The following EYS variants were observed in gnomAD, a reference collection of about 807,000 sequenced individuals.
EYS encodes protein eyes shut homolog.
A neutral mutation model predicts 282.1 loss-of-function variants in EYS; 250 were observed. The ratio of observed to expected loss-of-function variants is 0.89; its 90% CI spans 0.80 to 0.98. EYS has a LOEUF of 0.98. Among genes scored for constraint, EYS ranks in the 50% least tolerant of loss-of-function variants. The pLI is 0.00. For synonymous variants in EYS, 1,355 were observed against 1,282.9 expected (o/e 1.06, Z -1.20); for missense variants, 4,016 against 3,709.0 (o/e 1.08, Z -2.15).
chr6:65,073,667 T>A (rs1773965100), intron 12 of EYS, among the ~76,000 whole-genome samples: 1 of 151,822 alleles, frequency 6.6e-6, no homozygotes, highest in Non-Finnish European at 1.5e-5. Flanking sequence ...TTTTTATATA[T>A]GAAAAATGAG....
chr6:65,104,010 C>T (rs17637910), intron 12 of EYS, among the ~76,000 whole-genome samples: 34,156 of 151,206 alleles, frequency 0.23, 4,790 homozygotes, highest in South Asian at 0.33. Flanking sequence ...TCTTGTTGTT[C>T]ATGACTCTAA....
intron 1 of EYS, among the ~76,000 whole-genome samples, chr6:65,653,559 CACA>C (rs1266547074): frequency 6.6e-6 from 1 of 151,840 alleles, no homozygotes; most frequent in East Asian, 1.9e-4. Context: ...TTGCCGTATT[CACA>C]ACATTTAAAT....
At chr6:64,420,566 G>C (rs933275123) in intron 28 of EYS, among the ~76,000 whole-genome samples, 13 of 152,170 alleles carry the variant, frequency 8.5e-5, no homozygotes, top group African/African-American at 3.1e-4. Flanking sequence ...ACCCTCTGAA[G>C]CCACAGCTAG....
intron 14 of EYS, among the ~76,000 whole-genome samples, chr6:64,988,820 A>C (rs1562289331): frequency 2.6e-5 from 4 of 151,682 alleles, no homozygotes; most frequent in Admixed American, 6.6e-5. Flanking sequence ...ATATTATTTG[A>C]TATGAAAATA....
intron 36 of EYS, among the ~76,000 whole-genome samples, chr6:63,828,547 A>T (rs543129233): frequency 4.6e-4 from 70 of 152,356 alleles, no homozygotes; most frequent in Non-Finnish European, 8.4e-4. Flanking sequence ...ACAAGCAGCG[A>T]GAATGGAGAA....
At chr6:63,857,677 G>T in intron 36 of EYS, 1 of 445,686 alleles carries the variant, frequency 2.2e-6, no homozygotes, top group Non-Finnish European at 4.6e-6. Context: ...AGCACTACTT[G>T]TTTGCCAATA....
intron 12 of EYS, among the ~76,000 whole-genome samples, chr6:65,123,120 C>G (rs1351341082): frequency 6.6e-6 from 1 of 152,004 alleles, no homozygotes; most frequent in Non-Finnish European, 1.5e-5. Flanking sequence ...AAAGAGACTT[C>G]TTGACTAATT....
rs537260753 is a variant in EYS at position 63,831,377 on chromosome 6, C to T, written c.7229-25005G>A. Among the ~76,000 whole-genome samples the T allele has an allele frequency of 2.0e-5, 3 of 152,030 alleles. No individual in the cohort carries two copies. The South Asian group carries it at 6.2e-4, about 32-fold the overall frequency. ...AAATAAAGGGATGAAGGAAGATCTA[C>T]CAAGCAAATGGAAAACAAAAAAAAG... is the stretch of plus-strand genomic sequence containing the variant. On this transcript the variant is annotated intron_variant, in intron 36 of 42. Coordinates refer to ENST00000503581, the MANE Select transcript of EYS (RefSeq NM_001142800.2).
At chr6:64,547,538 GC>G (rs1764918745) in intron 26 of EYS, among the ~76,000 whole-genome samples, 1 of 152,192 alleles carries the variant, frequency 6.6e-6, no homozygotes, top group South Asian at 2.1e-4. Context: ...GACACAGGTT[GC>G]TGATTGGTGT....
chr6:64,416,643 C>T (rs1204159451), intron 28 of EYS, among the ~76,000 whole-genome samples: 1 of 151,884 alleles, frequency 6.6e-6, no homozygotes, highest in Non-Finnish European at 1.5e-5. Context: ...TATCACTCAC[C>T]ATAGCTAAGT....
chr6:64,826,253 A>T (rs1765052654), intron 19 of EYS, among the ~76,000 whole-genome samples: 1 of 151,874 alleles, frequency 6.6e-6, no homozygotes, highest in Non-Finnish European at 1.5e-5. Flanking sequence ...TATGGACTTC[A>T]TTTGACAAAA....
At chr6:64,030,582 G>A (rs182165472) in intron 33 of EYS, among the ~76,000 whole-genome samples, 3 of 152,242 alleles carry the variant, frequency 2.0e-5, no homozygotes, top group Admixed American at 6.5e-5. Flanking sequence ...GCCGCCCGGC[G>A]TTTACAGGAA....
intron 11 of EYS, among the ~76,000 whole-genome samples, chr6:65,328,161 A>T (rs746050346): frequency 6.6e-6 from 1 of 151,410 alleles, no homozygotes; most frequent in Non-Finnish European, 1.5e-5. Flanking sequence ...AAGATTTATA[A>T]CATTCATCAT....
Position 65,230,500 on chromosome 6 carries a change from T to C in EYS, c.2023+65363A>G, listed in dbSNP as rs116654502. Among the ~76,000 whole-genome samples the C allele has an allele frequency of 6.5e-3, 984 of 151,990 alleles. 11 individuals carry two copies. The highest frequency in any genetic ancestry group is 0.022 in the African/African-American group (934 of 41,560). Reference sequence around the variant, plus strand: ...ACATTTTAATACCTCTTTTTAACTTTAATATGAGTTGCTAATCCTCGTCCC... The same window carrying C: ...ACATTTTAATACCTCTTTTTAACTTCAATATGAGTTGCTAATCCTCGTCCC... On this transcript the variant is annotated intron_variant, in intron 12 of 42. Coordinates refer to ENST00000503581, the MANE Select transcript of EYS (RefSeq NM_001142800.2).
intron 35 of EYS, among the ~76,000 whole-genome samples, chr6:63,876,009 G>A (rs576273159): frequency 1.3e-5 from 2 of 152,218 alleles, no homozygotes; most frequent in South Asian, 4.1e-4. Flanking sequence ...CTTGCCTTCT[G>A]CTAGCTTTTG....
chr6:65,442,589 T>C (rs1224630470), intron 5 of EYS, among the ~76,000 whole-genome samples: 2 of 151,398 alleles, frequency 1.3e-5, no homozygotes, highest in African/African-American at 2.4e-5. Flanking sequence ...CCGTCTCTAC[T>C]AAAACTATAA....
intron 35 of EYS, among the ~76,000 whole-genome samples, chr6:63,923,190 GT>G (rs1302013797): frequency 2.0e-5 from 3 of 152,062 alleles, no homozygotes; most frequent in Admixed American, 2.0e-4. Flanking sequence ...TTTTTTTAGT[GT>G]GTTAATTTCA....
At chr6:64,659,291 T>C (rs570097997) in intron 22 of EYS, among the ~76,000 whole-genome samples, 2 of 152,014 alleles carry the variant, frequency 1.3e-5, no homozygotes, top group South Asian at 2.1e-4. Flanking sequence ...CAGGAAAGAT[T>C]TAAAATTGAC....
intron 35 of EYS, among the ~76,000 whole-genome samples, chr6:63,864,742 G>C (rs1017727753): frequency 6.6e-6 from 1 of 152,194 alleles, no homozygotes; most frequent in African/African-American, 2.4e-5. Flanking sequence ...TCAAAGCTCA[G>C]AGGAGAATTT....
Sources: allele counts gnomAD v4.1 joint callset (sites outside exome capture counted in the v4.1 genomes callset), GRCh38; gene constraint gnomAD v4.1.1; transcripts MANE v1.5; gene names NCBI Gene and HGNC (gene_info 2026-07-23, HGNC 2026-07-21).